The following ESCO2 variants were observed in gnomAD, a reference collection of about 807,000 sequenced individuals.
ESCO2 encodes establishment of sister chromatid cohesion N-acetyltransferase 2, also known as N-acetyltransferase ESCO2.
Under a neutral mutation model 61.7 loss-of-function variants are expected in ESCO2, and 51 were observed. That is an observed-to-expected ratio of 0.83 (90% CI 0.66 to 1.04). ESCO2 has a LOEUF of 1.04. ESCO2 is among the 50% of genes least tolerant of loss of function. The pLI, the probability that ESCO2 is intolerant of heterozygous loss-of-function variation, is 0.00. For missense variants in ESCO2, 692 were observed against 686.2 expected, an observed-to-expected ratio of 1.01 and a Z score of -0.09; for synonymous variants, 230 against 238.2, an observed-to-expected ratio of 0.97 and a Z score of 0.32.
At chr8:27,773,760 T>C (rs975528624), upstream of ESCO2, 21 of 152,200 alleles carry the variant, frequency 1.4e-4, no homozygotes, top group Admixed American at 1.4e-3. Context: ...AAAATAAACA[T>C]AAAACTCTAA....
rs371573832 is a variant in ESCO2, at chr8:27,795,925, TC to T, written c.1497+3116del. Among the ~76,000 whole-genome samples, 761 of 152,318 alleles carry T rather than the reference TC, an allele frequency of 5.0e-3. 2 individuals carry two copies. The highest frequency in any genetic ancestry group is 8.5e-3 in the Non-Finnish European group (578 of 68,016). Reference sequence around the variant, plus strand: ...TTGGCTGGTAACTTCTCTTGTAGTGTCCTTTTCTGGCTTTGGTATCAGATTA... The same window carrying T: ...TTGGCTGGTAACTTCTCTTGTAGTGTCTTTTCTGGCTTTGGTATCAGATTA... On this transcript the variant is annotated intron_variant, in intron 9 of 10. Transcript: ENST00000305188.
Position 27,792,723 on chromosome 8 carries a change from C to G in ESCO2, c.1409C>G (p.Pro470Arg). Residue 470 changes from proline (P) to arginine (R), a missense_variant, in exon 9 of 11, where the codon CCT becomes CGT. Coordinates refer to ENST00000305188, the MANE Select transcript of ESCO2 (RefSeq NM_001017420.3). ...DNELGFQQVVPKCPNKIKTFL... is the reference protein window; with the variant it reads ...DNELGFQQVVRKCPNKIKTFL... ...GAATTGGGCTTCCAGCAAGTTGTTC[C>G]TAAATGTCCAAACAAAATAAAAACT... 1 of 1,612,146 alleles carries G rather than the reference C, an allele frequency of 6.2e-7. No individual in the cohort carries two copies. The highest frequency in any genetic ancestry group is 1.3e-5 in the African/African-American group (1 of 74,924).
At position 27,777,127 on chromosome 8, in the gene ESCO2, A is replaced by G. The variant is rs1804812416; in HGVS notation, c.819A>G (p.Gly273=). 1 of 1,596,134 alleles carries G rather than the reference A, an allele frequency of 6.3e-7. No homozygotes were observed. Among genetic ancestry groups the G allele is most frequent in the Admixed American group, 1.8e-5 (1 of 54,412 alleles). The stretch of plus-strand genomic sequence containing the variant: ...TCCTAGAAGAGAAATTGAAAATTGG[A>G]CTACTGAGTGCAAGCAGTAAAAATA... The part of the protein sequence containing the change: ...CLVLEEKLKI[G]LLSASSKNKE... The change falls in exon 3 of 11, where the codon GGA becomes GGG. Residue 273 remains glycine, a synonymous_variant. Transcript: ENST00000305188.
At chr8:27,809,506 C>T (rs1805626604), downstream of ESCO2, 1 of 152,054 alleles carries the variant, frequency 6.6e-6, no homozygotes, top group Non-Finnish European at 1.5e-5. Context: ...ACTACTGATC[C>T]AAAACACTTT....
upstream of ESCO2, chr8:27,774,432 AG>A (rs1345441557): frequency 6.6e-6 from 1 of 152,126 alleles, no homozygotes; most frequent in African/African-American, 2.4e-5. Context: ...AACAGCCACC[AG>A]GGTGGGCGGG....
intron 9 of ESCO2, among the ~76,000 whole-genome samples, chr8:27,793,102 T>C (rs1398978046): frequency 6.6e-6 from 1 of 152,186 alleles, no homozygotes; most frequent in Non-Finnish European, 1.5e-5. Context: ...TTTTTAAACA[T>C]GTGGCTTAGT....
At chr8:27,810,650 C>T (rs1466263900), downstream of ESCO2, 9 of 610,166 alleles carry the variant, frequency 1.5e-5, no homozygotes, top group Non-Finnish European at 2.3e-5. Context: ...TTCAATTGTC[C>T]TGCCATCAAG....
intron 7 of ESCO2, among the ~76,000 whole-genome samples, chr8:27,790,198 A>C (rs1294565514): frequency 6.6e-6 from 1 of 152,250 alleles, no homozygotes; most frequent in Non-Finnish European, 1.5e-5. Context: ...TGATGAAGCC[A>C]GACTATACCA....
downstream of ESCO2, among the ~76,000 whole-genome samples, chr8:27,813,072 C>T (rs1285208530): frequency 3.9e-5 from 6 of 152,154 alleles, no homozygotes; most frequent in African/African-American, 1.4e-4. Flanking sequence ...GGAACCAACC[C>T]AAATGTCCGT....
Position 27,776,421 on chromosome 8 carries a change from A to T in ESCO2, c.113A>T (p.Gln38Leu). ...PSPNKKHCFY[Q>L]NSDKNEENLH... ...CCTAATAAAAAGCACTGTTTTTATCAAAACAGTGATAAAAATGAAGAAAAC... is the reference window on the plus strand; with the variant it reads ...CCTAATAAAAAGCACTGTTTTTATCTAAACAGTGATAAAAATGAAGAAAAC... Residue 38 changes from glutamine to leucine, a missense_variant, in exon 3 of 11, where the codon CAA becomes CTA. By Grantham distance (113) the Gln-to-Leu change is moderately radical. Coordinates refer to ENST00000305188, the MANE Select transcript of ESCO2 (RefSeq NM_001017420.3). The T allele has an allele frequency of 6.2e-7, 1 of 1,607,592 alleles. No homozygotes were observed. The highest frequency in any genetic ancestry group is 8.5e-7 in the Non-Finnish European group (1 of 1,178,028).
chr8:27,788,775 G>A (rs570912860), intron 6 of ESCO2, 72 bp from the exon 7 acceptor site: 1 of 1,586,678 alleles, frequency 6.3e-7, no homozygotes, highest in Non-Finnish European at 8.6e-7. Context: ...TGAATGAATG[G>A]TTATAGGAAC....
At position 27,792,651 on chromosome 8, in the gene ESCO2, GT is replaced by G; in HGVS notation, c.1354-12del. 6.2e-7 allele frequency: 1 copy of G among 1,610,722 alleles called. No homozygotes were observed. The highest frequency in any genetic ancestry group is 8.5e-7 in the Non-Finnish European group (1 of 1,179,004). ...CTTTTTAAAACATTCACCTGTCTTGGTTTTTAAAATCATTAGGTAGAAGATG... is the reference window on the plus strand; with the variant it reads ...CTTTTTAAAACATTCACCTGTCTTGGTTTTAAAATCATTAGGTAGAAGATG... On this transcript the variant is annotated splice_polypyrimidine_tract_variant and intron_variant, in intron 8 of 10. Transcript: ENST00000305188.
At chr8:27,786,550 A>T (rs1332412342) in intron 5 of ESCO2, among the ~76,000 whole-genome samples, 1 of 152,196 alleles carries the variant, frequency 6.6e-6, no homozygotes, top group African/African-American at 2.4e-5. Context: ...TGGTATACTG[A>T]GTTAGTCACA....
At chr8:27,793,643 T>C (rs1805230607) in intron 9 of ESCO2, among the ~76,000 whole-genome samples, 1 of 152,008 alleles carries the variant, frequency 6.6e-6, no homozygotes, top group East Asian at 1.9e-4. Context: ...CGTGCCACCA[T>C]GCCTGGCTAA....
chr8:27,782,608 A>C (rs1223158957), intron 4 of ESCO2, among the ~76,000 whole-genome samples: 3 of 152,066 alleles, frequency 2.0e-5, no homozygotes, highest in Non-Finnish European at 4.4e-5. Flanking sequence ...TTATTGCTGA[A>C]GTAAGCTTTT....
chr8:27,780,343 T>A, intron 4 of ESCO2, 76 bp downstream of exon 4: 1 of 1,007,956 alleles, frequency 9.9e-7, no homozygotes. Flanking sequence ...ATAATTCTTG[T>A]AATTTCTGGG....
At chr8:27,778,740 CT>C (rs1804857198) in intron 3 of ESCO2, 1 of 151,982 alleles carries the variant, frequency 6.6e-6, no homozygotes, top group Non-Finnish European at 1.5e-5. Context: ...TCTTTTCTGT[CT>C]TATTTTCTTT....
downstream of ESCO2, chr8:27,810,101 C>G (rs889775330): frequency 1.9e-6 from 1 of 522,422 alleles, no homozygotes; most frequent in Non-Finnish European, 3.3e-6. Context: ...GTTTCTAAAA[C>G]TTTACAGAAA....
intron 10 of ESCO2, among the ~76,000 whole-genome samples, chr8:27,800,313 A>G (rs28424213): frequency 0.11 from 16,909 of 152,272 alleles, 1,145 homozygotes; most frequent in East Asian, 0.34. Flanking sequence ...TTAAAAATGG[A>G]CAAAGAATTT....
Sources: gnomAD v4.1 joint callset for allele counts (sites outside exome capture counted in the v4.1 genomes callset) on GRCh38, gnomAD v4.1.1 for gene constraint, MANE v1.5 for transcripts, NCBI Gene and HGNC (gene_info 2026-07-23, HGNC 2026-07-21) for gene names.